EPB41L4A: variants seen among roughly 807,000 people sequenced by gnomAD.
EPB41L4A encodes erythrocyte membrane protein band 4.1 like 4A.
A neutral mutation model predicts 108.6 loss-of-function variants in EPB41L4A; 100 were observed. The ratio of observed to expected loss-of-function variants is 0.92; its 90% CI spans 0.78 to 1.09. EPB41L4A has a LOEUF of 1.09. Ranked by LOEUF, EPB41L4A falls within the 50% of genes least tolerant of loss-of-function variation. EPB41L4A has a pLI of 0.00. For synonymous variants in EPB41L4A, 319 were observed against 289.0 expected, an observed-to-expected ratio of 1.10 and a Z score of -1.05; for missense variants, 1,030 against 842.7, an observed-to-expected ratio of 1.22 and a Z score of -2.75.
intron 18 of EPB41L4A, among the ~76,000 whole-genome samples, chr5:112,179,944 G>A (rs1269706089): frequency 6.6e-6 from 1 of 152,148 alleles, no homozygotes; most frequent in Admixed American, 6.5e-5. Flanking sequence ...TCTAGAGCTA[G>A]TAAGTGAATT....
Position 112,280,252 on chromosome 5 carries a change from A to C in EPB41L4A, c.256+20T>G, listed in dbSNP as rs747345771. On this transcript the variant is annotated intron_variant, in intron 3 of 22. Transcript: ENST00000261486. ...TCGTTTTCAAGCCACCCTTTAACAA[A>C]GTAAAAGCTAAATACCTACTGTTGA... 2.5e-6 allele frequency: 4 copies of C among 1,610,700 alleles called. No individual in the cohort carries two copies. Among genetic ancestry groups the C allele is most frequent in the Non-Finnish European group, 3.4e-6 (4 of 1,176,894 alleles).
At chr5:112,397,253 A>C (rs181982303) in intron 1 of EPB41L4A, among the ~76,000 whole-genome samples, 291 of 152,344 alleles carry the variant, frequency 1.9e-3, no homozygotes, top group African/African-American at 6.5e-3. Flanking sequence ...TTTCATAAGA[A>C]TTCCCAAGGA....
At chr5:112,390,688 G>C (rs1263759987) in intron 1 of EPB41L4A, among the ~76,000 whole-genome samples, 2 of 152,164 alleles carry the variant, frequency 1.3e-5, no homozygotes, top group African/African-American at 2.4e-5. Flanking sequence ...GCTCTGAAGA[G>C]AGCAGTGGTT....
rs766314158 is a variant in EPB41L4A, at chr5:112,262,499, C to G, written c.637G>C (p.Val213Leu). ...GTTAATTAAATGTTACTCACATAGACGGGATGGAGGTCAACGCCATACATC... is the reference window on the plus strand; with the variant it reads ...GTTAATTAAATGTTACTCACATAGAGGGGATGGAGGTCAACGCCATACATC... ...LEMYGVDLHP[V>L]YGENKSEYFL... Residue 213 changes from valine (V) to leucine (L), a missense_variant, in exon 7 of 23, where the codon GTC becomes CTC. Coordinates refer to ENST00000261486, the MANE Select transcript of EPB41L4A (RefSeq NM_022140.5). The G allele has an allele frequency of 8.7e-6, 14 of 1,612,648 alleles. No homozygotes were observed. The highest frequency in any genetic ancestry group is 8.3e-5 in the Admixed American group (5 of 59,916).
chr5:112,388,585 G>A (rs1219121589), intron 1 of EPB41L4A, among the ~76,000 whole-genome samples: 2 of 152,136 alleles, frequency 1.3e-5, no homozygotes, highest in African/African-American at 4.8e-5. Context: ...TCAGGATTAT[G>A]GATAGACAGC....
At chr5:112,296,206 A>C (rs1045227389) in intron 2 of EPB41L4A, among the ~76,000 whole-genome samples, 3 of 152,136 alleles carry the variant, frequency 2.0e-5, no homozygotes, top group Admixed American at 6.5e-5. Flanking sequence ...TACATTGGCA[A>C]ACTTATGTTA....
chr5:112,159,482 G>T (rs1284210269), downstream of EPB41L4A, among the ~76,000 whole-genome samples: 1 of 152,198 alleles, frequency 6.6e-6, no homozygotes, highest in African/African-American at 2.4e-5. Flanking sequence ...TTTTTGTGGT[G>T]ATAATTAATC....
chr5:112,219,512 T>C (rs1055625520), intron 12 of EPB41L4A, among the ~76,000 whole-genome samples: 5 of 152,134 alleles, frequency 3.3e-5, no homozygotes, highest in Non-Finnish European at 7.4e-5. Flanking sequence ...TAAAAAAGTT[T>C]TTATTATCAC....
intron 1 of EPB41L4A, among the ~76,000 whole-genome samples, chr5:112,318,034 A>G (rs898128208): frequency 3.9e-5 from 6 of 152,188 alleles, no homozygotes; most frequent in African/African-American, 1.4e-4. Flanking sequence ...TGATTCTTAG[A>G]TACCTGGAAA....
At chr5:112,299,626 G>A (rs1477879615) in intron 2 of EPB41L4A, among the ~76,000 whole-genome samples, 1 of 152,148 alleles carries the variant, frequency 6.6e-6, no homozygotes, top group Non-Finnish European at 1.5e-5. Context: ...CCAACATGGT[G>A]AAACCCCATC....
At chr5:112,417,459 G>C (rs1451451531) in intron 1 of EPB41L4A, among the ~76,000 whole-genome samples, 1 of 152,136 alleles carries the variant, frequency 6.6e-6, no homozygotes, top group Non-Finnish European at 1.5e-5. Context: ...CTCGACACAA[G>C]AATCTATATA....
intron 1 of EPB41L4A, among the ~76,000 whole-genome samples, chr5:112,346,514 G>A (rs143893532): frequency 0.012 from 1,804 of 152,104 alleles, 28 homozygotes; most frequent in South Asian, 0.038. Flanking sequence ...GAGCCACTGC[G>A]CCCAGCCTGT....
chr5:112,363,741 T>A (rs1403588732), intron 1 of EPB41L4A: 1 of 93,116 alleles, frequency 1.1e-5, no homozygotes, highest in African/African-American at 2.9e-5. Flanking sequence ...CTTAAATTTT[T>A]AAATATTAAG....
chr5:112,370,773 G>T (rs951051322), intron 1 of EPB41L4A, among the ~76,000 whole-genome samples: 1 of 152,144 alleles, frequency 6.6e-6, no homozygotes, highest in Non-Finnish European at 1.5e-5. Context: ...AAATTAGCCA[G>T]GCATGGTGGC....
At chr5:112,410,049 C>A (rs559750711) in intron 1 of EPB41L4A, among the ~76,000 whole-genome samples, 11 of 152,206 alleles carry the variant, frequency 7.2e-5, no homozygotes, top group East Asian at 5.8e-4. Context: ...TCTCCAGCTC[C>A]GCATCAAGGA....
chr5:112,401,751 G>A (rs1761766196), intron 1 of EPB41L4A, among the ~76,000 whole-genome samples: 1 of 152,116 alleles, frequency 6.6e-6, no homozygotes, highest in Admixed American at 6.5e-5. Flanking sequence ...ACTCTTCCAT[G>A]GAGACGAGAT....
downstream of EPB41L4A, chr5:112,158,485 A>G (rs1288624075): frequency 2.8e-6 from 1 of 361,942 alleles, no homozygotes; most frequent in South Asian, 2.3e-5. Context: ...CTAAACCTAT[A>G]TATGCTGGCT....
In EPB41L4A at chr5:112,419,229, C is replaced by A. The variant is rs1270673906; in HGVS notation, c.-190G>T. On this transcript the variant is annotated 5_prime_UTR_variant, in exon 1 of 23. Transcript: ENST00000261486. ...GGCGGGAGCGAGAAAGGCGGAAAAG[C>A]CCGGGAGAGTCAGCGCCCGGGAGCC... 4.3e-6 allele frequency: 2 copies of A among 463,302 alleles called. No homozygotes were observed. The highest frequency in any genetic ancestry group is 3.0e-5 in the South Asian group (1 of 33,080). 28.7% of individuals were successfully genotyped at this position (463,302 alleles called of 1,614,324 possible). A position where few individuals can be genotyped will look rare whatever the true frequency, so the allele number is the denominator to read the frequency against.
At chr5:112,215,587 C>G (rs1356528241) in intron 12 of EPB41L4A, among the ~76,000 whole-genome samples, 1 of 151,954 alleles carries the variant, frequency 6.6e-6, no homozygotes, top group East Asian at 1.9e-4. Context: ...AATGGTGAAA[C>G]CCCGTCTCTA....
Sources: gnomAD v4.1 joint callset for allele counts (sites outside exome capture counted in the v4.1 genomes callset) on GRCh38, gnomAD v4.1.1 for gene constraint, MANE v1.5 for transcripts, NCBI Gene and HGNC (gene_info 2026-07-23, HGNC 2026-07-21) for gene names.